Variants in PIK3CG observed in about 807,000 individuals in gnomAD.
The protein encoded by PIK3CG is phosphatidylinositol-4,5-bisphosphate 3-kinase catalytic subunit gamma, also known as phosphatidylinositol 4,5-bisphosphate 3-kinase catalytic subunit gamma isoform.
In PIK3CG, 55 loss-of-function variants were observed where a neutral mutation model predicts 102.3. The ratio of observed to expected loss-of-function variants is 0.54; its 90% confidence interval spans 0.43 to 0.67. PIK3CG has a LOEUF of 0.67. PIK3CG is among the 30% of genes least tolerant of loss of function. PIK3CG has a pLI of 0.00. For missense variants in PIK3CG, 1,258 were observed against 1,391.8 expected, an observed-to-expected ratio of 0.90 and a Z score of 1.53; for synonymous variants, 552 against 540.0, an observed-to-expected ratio of 1.02 and a Z score of -0.31.
chr7:106,870,279 A>G (rs1001549475), intron 2 of PIK3CG, among the ~76,000 whole-genome samples: 4 of 152,164 alleles, frequency 2.6e-5, no homozygotes, highest in Non-Finnish European at 5.9e-5. Flanking sequence ...TCCGTTTCTC[A>G]TGATGTTCCC....
rs374506356 is a variant in PIK3CG at position 106,868,645 on chromosome 7, A to G, written c.1084A>G (p.Arg362Gly). The change falls in exon 2 of 11, where the codon AGG becomes GGG. Residue 362 changes from arginine to glycine, a missense_variant. This residue lies in a region of PIK3CG where 832 missense variants were observed against 787.5 expected (regional missense o/e 1.06). Transcript: ENST00000496166. This position sits in a 1 kb window ranked among gnomAD's most constrained non-coding sequence, Gnocchi z 6.2. ...VSLWDCDRKF[R>G]VKIRGIDIPV... ...CCTGTGGGACTGCGACCGCAAGTTC[A>G]GGGTCAAGATCAGAGGCATTGATAT... 1 of 1,614,120 alleles carries G rather than the reference A, an allele frequency of 6.2e-7. No individual in the cohort carries two copies. The highest frequency in any genetic ancestry group is 1.3e-5 in the African/African-American group (1 of 74,938).
rs2116449379 is a variant in PIK3CG at position 106,868,765 on chromosome 7, A to G, written c.1204A>G (p.Lys402Glu). 1 of 1,614,248 alleles carries G rather than the reference A, an allele frequency of 6.2e-7. No homozygotes were observed. The highest frequency in any genetic ancestry group is 1.1e-5 in the South Asian group (1 of 91,092). ...CCTTTGCCAAAGGAGAACCAGCCCCAAACCCTTCACAGAGGAGGTGCTGTG... is the reference window on the plus strand; with the variant it reads ...CCTTTGCCAAAGGAGAACCAGCCCCGAACCCTTCACAGAGGAGGTGCTGTG... ...QVLCQRRTSP[K>E]PFTEEVLWNV... Residue 402 changes from lysine to glutamate, a missense_variant, in exon 2 of 11, where the codon AAA becomes GAA. Lys to Glu is a moderately conservative substitution (Grantham distance 56). Transcript: ENST00000496166. The surrounding 1 kb of genome is among the most constrained non-coding windows in gnomAD (Gnocchi z 6.2).
In PIK3CG at chr7:106,869,741, AG is replaced by A; in HGVS notation, c.1995+188del. Among the ~76,000 whole-genome samples, 1 of 152,232 alleles carries A rather than the reference AG, an allele frequency of 6.6e-6. No individual in the cohort carries two copies. The highest frequency in any genetic ancestry group is 2.1e-4 in the South Asian group (1 of 4,820). On this transcript the variant is annotated intron_variant, in intron 2 of 10. Coordinates refer to ENST00000496166, the MANE Select transcript of PIK3CG (RefSeq NM_001282426.2). This position sits in a 1 kb window ranked among gnomAD's most constrained non-coding sequence, Gnocchi z 5.3. Reference sequence around the variant, plus strand: ...TCCATGTACATTTTTACTGTCTCGGAGGGTTTGCTGACAAGGGTTTTGCAGA... The same window carrying A: ...TCCATGTACATTTTTACTGTCTCGGAGGTTTGCTGACAAGGGTTTTGCAGA...
At chr7:106,873,162 T>G (rs1383478843) in intron 4 of PIK3CG, among the ~76,000 whole-genome samples, 1 of 152,212 alleles carries the variant, frequency 6.6e-6, no homozygotes, top group Non-Finnish European at 1.5e-5. Flanking sequence ...AACTGAAAAA[T>G]TAAGCAGCAT....
chr7:106,876,718 G>A (rs1374426507), intron 5 of PIK3CG, among the ~76,000 whole-genome samples: 1 of 152,044 alleles, frequency 6.6e-6, no homozygotes, highest in African/African-American at 2.4e-5. Context: ...TTAGTTATGA[G>A]AGTTACTTAT....
At position 106,884,380 on chromosome 7, in the gene PIK3CG, G is replaced by A. The variant is rs538116091; in HGVS notation, c.2872+114G>A. 7.3e-6 allele frequency: 5 copies of A among 685,936 alleles called. No individual in the cohort carries two copies. The highest frequency in any genetic ancestry group is 2.5e-5 in the Admixed American group (1 of 40,180). 42.5% of individuals were successfully genotyped at this position (685,936 alleles called of 1,614,324 possible). On this transcript the variant is annotated intron_variant, in intron 9 of 10. Coordinates refer to ENST00000496166, the MANE Select transcript of PIK3CG (RefSeq NM_001282426.2). This position sits in a 1 kb window ranked among gnomAD's most constrained non-coding sequence, Gnocchi z 4.2. ...TGTTCAGTTCAGTGGCATTACATATGTTCACCTTGTTGTACAACCATCATC... is the reference window on the plus strand; with the variant it reads ...TGTTCAGTTCAGTGGCATTACATATATTCACCTTGTTGTACAACCATCATC...
chr7:106,867,316 A>G lies in PIK3CG; in HGVS notation c.-12-234A>G, dbSNP rs1225451614. Among the ~76,000 whole-genome samples the G allele has an allele frequency of 6.6e-6, 1 of 152,184 alleles. No homozygotes were observed. Among genetic ancestry groups the G allele is most frequent in the Non-Finnish European group, 1.5e-5 (1 of 68,026 alleles). Reference sequence around the variant, plus strand: ...AGTTTGAGAGATGAGAAACAGGCTCAGAGATTAAGCAGCCCAAATCACCCA... The same window carrying G: ...AGTTTGAGAGATGAGAAACAGGCTCGGAGATTAAGCAGCCCAAATCACCCA... On this transcript the variant is annotated intron_variant, in intron 1 of 10. Transcript: ENST00000496166. This position sits in a 1 kb window ranked among gnomAD's most constrained non-coding sequence, Gnocchi z 5.1.
intron 5 of PIK3CG, among the ~76,000 whole-genome samples, chr7:106,876,452 C>T (rs1343962241): frequency 6.7e-6 from 1 of 150,044 alleles, no homozygotes. Flanking sequence ...AGTGCAGAGG[C>T]ACGATCTCGG....
intron 10 of PIK3CG, among the ~76,000 whole-genome samples, chr7:106,896,618 C>A (rs1584346141): frequency 6.6e-6 from 1 of 152,078 alleles, no homozygotes; most frequent in East Asian, 1.9e-4. Flanking sequence ...CACTAATGCA[C>A]TGGGGCCACT....
Position 106,872,565 on chromosome 7 carries a change from G to A in PIK3CG, c.2024G>A (p.Ser675Asn). 6.2e-7 allele frequency: 1 copy of A among 1,613,906 alleles called. No homozygotes were observed. Among genetic ancestry groups the A allele is most frequent in the Non-Finnish European group, 8.5e-7 (1 of 1,179,760 alleles). Reference protein sequence around the residue: ...QAVKFEPYHDSALARFLLKRG... With the variant: ...QAVKFEPYHDNALARFLLKRG... ...GTGAAATTTGAACCATACCATGATA[G>A]CGCCCTTGCCAGATTTCTGCTGAAG... Residue 675 changes from serine (S) to asparagine (N), a missense_variant, in exon 3 of 11, where the codon AGC (serine) becomes AAC (asparagine). Physicochemically the swap from Ser to Asn is conservative, Grantham distance 46. Around this residue, in one of 2 missense-constraint regions of PIK3CG, gnomAD observed 426 missense variants for 604.2 expected, o/e 0.71. Coordinates refer to ENST00000496166, the MANE Select transcript of PIK3CG (RefSeq NM_001282426.2). This position sits in a 1 kb window ranked among gnomAD's most constrained non-coding sequence, Gnocchi z 5.3.
rs1294232952 is a variant in PIK3CG at position 106,890,334 on chromosome 7, A to C, written c.3030+4042A>C. Among the ~76,000 whole-genome samples the C allele has an allele frequency of 6.6e-6, 1 of 152,104 alleles. No individual in the cohort carries two copies. The highest frequency in any genetic ancestry group is 1.5e-5 in the Non-Finnish European group (1 of 68,022). On this transcript the variant is annotated intron_variant, in intron 10 of 10. Coordinates refer to ENST00000496166, the MANE Select transcript of PIK3CG (RefSeq NM_001282426.2). The surrounding 1 kb of genome is among the most constrained non-coding windows in gnomAD (Gnocchi z 4.2). ...GTAGCTGGGACTACAGGCGCCTGCC[A>C]CCACATCCAGCTAATTTTTCATATT...
At position 106,867,572 on chromosome 7, in the gene PIK3CG, A is replaced by G. The variant is rs2116415847; in HGVS notation, c.11A>G (p.Glu4Gly). The G allele has an allele frequency of 6.4e-7, 1 of 1,570,032 alleles. No homozygotes were observed. Residue 4 changes from glutamate to glycine, a missense_variant, in exon 2 of 11, where the codon GAG (glutamate) becomes GGG (glycine). Physicochemically the swap from Glu to Gly is moderately conservative, Grantham distance 98 (BLOSUM62 -2). This residue lies in a region of PIK3CG where 832 missense variants were observed against 787.5 expected (regional missense o/e 1.06). Transcript: ENST00000496166. The surrounding 1 kb of genome is among the most constrained non-coding windows in gnomAD (Gnocchi z 5.1). Reference protein sequence around the residue: MELENYKQPVVLRE... With the variant: MELGNYKQPVVLRE... ...CAGGTCGCATAGGGCATGGAGCTGG[A>G]GAACTATAAACAGCCCGTGGTGCTG...
chr7:106,869,048 G>C lies in PIK3CG; in HGVS notation c.1487G>C (p.Ser496Thr), dbSNP rs2116456457. 6.2e-7 allele frequency: 1 copy of C among 1,614,182 alleles called. No individual in the cohort carries two copies. The highest frequency in any genetic ancestry group is 8.5e-7 in the Non-Finnish European group (1 of 1,180,034). Residue 496 changes from serine to threonine, a missense_variant, in exon 2 of 11, where the codon AGC (serine) becomes ACC (threonine). Coordinates refer to ENST00000496166, the MANE Select transcript of PIK3CG (RefSeq NM_001282426.2). This position sits in a 1 kb window ranked among gnomAD's most constrained non-coding sequence, Gnocchi z 5.3. ...QISGKGEDQG[S>T]FNADKLTSAT... Reference sequence around the variant, plus strand: ...TCTGGGAAGGGAGAAGACCAAGGAAGCTTCAATGCTGACAAACTCACGTCT... The same window carrying C: ...TCTGGGAAGGGAGAAGACCAAGGAACCTTCAATGCTGACAAACTCACGTCT...
In PIK3CG at chr7:106,880,542, T is replaced by C. The variant is rs912838877; in HGVS notation, c.2538+877T>C. On this transcript the variant is annotated intron_variant, in intron 6 of 10. Transcript: ENST00000496166. The surrounding 1 kb of genome is among the most constrained non-coding windows in gnomAD (Gnocchi z 4.2). Reference sequence around the variant, plus strand: ...AAATCCTTCAAACTTTTTGCAAGTTTATTAAATTTCAAATAAATCTGTAGA... The same window carrying C: ...AAATCCTTCAAACTTTTTGCAAGTTCATTAAATTTCAAATAAATCTGTAGA... Among the ~76,000 whole-genome samples, 9 of 152,248 alleles carry C rather than the reference T, an allele frequency of 5.9e-5. No individual in the cohort carries two copies. Among genetic ancestry groups the C allele is most frequent in the African/African-American group, 2.2e-4 (9 of 41,460 alleles).
chr7:106,883,024 C>T lies in PIK3CG; in HGVS notation c.2630-9C>T, dbSNP rs1790989393. 1 of 1,613,588 alleles carries T rather than the reference C, an allele frequency of 6.2e-7. No individual in the cohort carries two copies. Among genetic ancestry groups the T allele is most frequent in the Non-Finnish European group, 8.5e-7 (1 of 1,179,726 alleles). ...CAATCTCCATCAGACTCTGTGCATC[C>T]TTCTGTAGGAATGATCGAGATTGTG... On this transcript the variant is annotated splice_polypyrimidine_tract_variant and intron_variant, in intron 7 of 10. Coordinates refer to ENST00000496166, the MANE Select transcript of PIK3CG (RefSeq NM_001282426.2). The surrounding 1 kb of genome is among the most constrained non-coding windows in gnomAD (Gnocchi z 5.8).
At chr7:106,866,869 G>A (rs1400944670) in intron 1 of PIK3CG, among the ~76,000 whole-genome samples, 1 of 152,194 alleles carries the variant, frequency 6.6e-6, no homozygotes. Flanking sequence ...AAACCAAGAG[G>A]CAGGAAATTT....
At chr7:106,878,602 G>T (rs1378146723) in intron 5 of PIK3CG, among the ~76,000 whole-genome samples, 1 of 151,738 alleles carries the variant, frequency 6.6e-6, no homozygotes, top group Non-Finnish European at 1.5e-5. Flanking sequence ...TTTTCTTGGG[G>T]ATCACGGACC....
Position 106,894,435 on chromosome 7 carries a change from G to T in PIK3CG, c.3030+8143G>T, listed in dbSNP as rs1034009806. On this transcript the variant is annotated intron_variant, in intron 10 of 10. Transcript: ENST00000496166. The surrounding 1 kb of genome is among the most constrained non-coding windows in gnomAD (Gnocchi z 4.4). ...GAGAATCACTTTTCAAGTACTTACA[G>T]ATAAAAATCCTAATTCAAACTCATC... is the stretch of plus-strand genomic sequence containing the variant. Among the ~76,000 whole-genome samples the T allele has an allele frequency of 2.0e-5, 3 of 152,144 alleles. No individual in the cohort carries two copies. The highest frequency in any genetic ancestry group is 7.2e-5 in the African/African-American group (3 of 41,428).
At chr7:106,888,836 G>A (rs572782162) in intron 10 of PIK3CG, among the ~76,000 whole-genome samples, 3 of 152,206 alleles carry the variant, frequency 2.0e-5, no homozygotes, top group African/African-American at 4.8e-5. Context: ...CTGGACCTGC[G>A]ACTTAATAAC....
Sources: gnomAD v4.1 joint callset for allele counts (sites outside exome capture counted in the v4.1 genomes callset) on GRCh38, gnomAD v4.1.1 for gene constraint, gnomAD v4.1.1 regional missense constraint, Gnocchi (gnomAD v3.1) non-coding constraint, MANE v1.5 for transcripts, NCBI Gene and HGNC (gene_info 2026-07-23, HGNC 2026-07-21) for gene names.